Variants in DLGAP2 observed in about 807,000 individuals in gnomAD.
DLGAP2 encodes DLG associated protein 2.
In DLGAP2, 26 loss-of-function variants were observed where a neutral mutation model predicts 100.3. That is an observed-to-expected ratio of 0.26 (90% CI 0.19 to 0.36). The LOEUF (loss-of-function observed/expected upper bound fraction) is 0.36, where lower values mean the gene tolerates loss of function less well. Ranked by LOEUF, DLGAP2 falls within the 10% of genes least tolerant of loss-of-function variation. DLGAP2 has a pLI of 1.00. For missense variants in DLGAP2, 1,858 were observed against 1,453.2 expected (o/e 1.28, Z -4.53); for synonymous variants, 886 against 630.1 (o/e 1.41, Z -6.08).
In DLGAP2 at chr8:1,444,652, C is replaced by T. The variant is rs138065644; in HGVS notation, c.107-56714C>T. 2.4e-3 allele frequency among the ~76,000 whole-genome samples: 362 copies of T among 152,210 alleles called. 2 individuals carry two copies. Among genetic ancestry groups the T allele is most frequent in the African/African-American group, 8.0e-3 (331 of 41,540 alleles). ...CTTCAGGGTCTTCTTTCCCCATTTC[C>T]AGGTTGATGGTCCCATGATTTTGAC... On this transcript the variant is annotated intron_variant, in intron 3 of 14. Coordinates refer to ENST00000637795, the MANE Select transcript of DLGAP2 (RefSeq NM_001346810.2).
At chr8:860,578 T>C (rs1049538816) in intron 1 of DLGAP2, among the ~76,000 whole-genome samples, 1 of 152,224 alleles carries the variant, frequency 6.6e-6, no homozygotes, top group Non-Finnish European at 1.5e-5. Flanking sequence ...ACTCAGTGGT[T>C]ACTGTGGGGA....
intron 8 of DLGAP2, among the ~76,000 whole-genome samples, chr8:1,665,590 C>G (rs1370665728): frequency 6.6e-6 from 1 of 152,204 alleles, no homozygotes; most frequent in African/African-American, 2.4e-5. Context: ...TCTCTGTTGC[C>G]TTTGATTTTT....
At chr8:1,233,724 G>C (rs1427069966) in intron 2 of DLGAP2, among the ~76,000 whole-genome samples, 1 of 152,118 alleles carries the variant, frequency 6.6e-6, no homozygotes, top group African/African-American at 2.4e-5. Flanking sequence ...TTGACTTTCT[G>C]GGAAACACGC....
chr8:866,639 G>A (rs900221561), intron 1 of DLGAP2, among the ~76,000 whole-genome samples: 16 of 152,178 alleles, frequency 1.1e-4, no homozygotes, highest in African/African-American at 2.9e-4. Context: ...ATCGGGAAGC[G>A]CTTGCTGCCA....
At chr8:847,619 A>G (rs1041225944) in intron 1 of DLGAP2, among the ~76,000 whole-genome samples, 1 of 151,802 alleles carries the variant, frequency 6.6e-6, no homozygotes, top group African/African-American at 2.4e-5. Context: ...CAGTTCTCCC[A>G]CCTCAGCCTC....
At chr8:955,652 A>G (rs932135413) in intron 2 of DLGAP2, among the ~76,000 whole-genome samples, 1 of 152,012 alleles carries the variant, frequency 6.6e-6, no homozygotes, top group Admixed American at 6.6e-5. Flanking sequence ...TTTCCCCAAA[A>G]CTTCAAGGCT....
chr8:1,592,832 C>A (rs1796331926), intron 6 of DLGAP2, among the ~76,000 whole-genome samples: 1 of 152,144 alleles, frequency 6.6e-6, no homozygotes, highest in Non-Finnish European at 1.5e-5. Flanking sequence ...GTGAGCATCA[C>A]CGACTGACCA....
At chr8:1,636,504 T>A (rs191568872) in intron 8 of DLGAP2, among the ~76,000 whole-genome samples, 2 of 152,338 alleles carry the variant, frequency 1.3e-5, no homozygotes, top group Admixed American at 1.3e-4. Flanking sequence ...AATAACTGTT[T>A]TTCAATACTA....
chr8:825,699 A>T (rs1462586804), intron 1 of DLGAP2, among the ~76,000 whole-genome samples: 1 of 152,184 alleles, frequency 6.6e-6, no homozygotes, highest in Admixed American at 6.5e-5. Context: ...TTTTTTAAAA[A>T]TTTTTAATTA....
intron 4 of DLGAP2, among the ~76,000 whole-genome samples, chr8:1,506,165 C>T (rs952306677): frequency 1.6e-4 from 25 of 152,194 alleles, no homozygotes; most frequent in African/African-American, 6.0e-4. Context: ...GCACCAATGT[C>T]TCATTCTAAT....
At chr8:1,283,635 T>C (rs1799866066) in intron 3 of DLGAP2, among the ~76,000 whole-genome samples, 1 of 152,222 alleles carries the variant, frequency 6.6e-6, no homozygotes. Context: ...AGAATTTTCA[T>C]TGAATATTCA....
rs568263265 is a variant in DLGAP2, at chr8:852,065, G to T, written c.19-55847G>T. On this transcript the variant is annotated intron_variant, in intron 1 of 14. Transcript: ENST00000637795. ...GGACAACAAAGGCATGCAGCCTCCT[G>T]CCAGCTGTGAGAATTGGCTTTGGTG... Among the ~76,000 whole-genome samples the T allele has an allele frequency of 8.9e-4, 135 of 152,338 alleles. 2 individuals are homozygous for T. Among genetic ancestry groups the T allele is most frequent in the African/African-American group, 3.2e-3 (134 of 41,576 alleles).
intron 14 of DLGAP2, among the ~76,000 whole-genome samples, chr8:1,700,820 G>C (rs951415743): frequency 6.6e-6 from 1 of 152,218 alleles, no homozygotes; most frequent in African/African-American, 2.4e-5. Flanking sequence ...AAACCCTCGC[G>C]ATGCTCGGAG....
intron 3 of DLGAP2, among the ~76,000 whole-genome samples, chr8:1,321,959 G>A (rs927962277): frequency 3.9e-5 from 6 of 152,114 alleles, no homozygotes; most frequent in Non-Finnish European, 8.8e-5. Flanking sequence ...TTATGTTGTG[G>A]TTTAAAATCT....
intron 3 of DLGAP2, among the ~76,000 whole-genome samples, chr8:1,439,755 C>G (rs1347857092): frequency 1.3e-5 from 2 of 152,112 alleles, no homozygotes; most frequent in African/African-American, 4.8e-5. Flanking sequence ...TGCCCACCCT[C>G]TCCCCACCAT....
At chr8:1,149,110 C>G (rs997384273) in intron 2 of DLGAP2, among the ~76,000 whole-genome samples, 2 of 151,924 alleles carry the variant, frequency 1.3e-5, no homozygotes, top group African/African-American at 4.8e-5. Flanking sequence ...TCATACCTTC[C>G]TGAAAAATTC....
intron 2 of DLGAP2, among the ~76,000 whole-genome samples, chr8:1,221,785 T>C (rs978720360): frequency 5.9e-5 from 9 of 152,242 alleles, no homozygotes; most frequent in Non-Finnish European, 1.5e-5. Context: ...TCAGAGGTTT[T>C]CTTCATTTTT....
chr8:1,184,792 C>A (rs557576764), intron 2 of DLGAP2, among the ~76,000 whole-genome samples: 103 of 152,282 alleles, frequency 6.8e-4, no homozygotes, highest in African/African-American at 2.2e-3. Flanking sequence ...GTGAATCTGG[C>A]CCTCTCCAGG....
intron 1 of DLGAP2, among the ~76,000 whole-genome samples, chr8:796,172 A>G (rs1433861440): frequency 3.4e-5 from 5 of 148,590 alleles, no homozygotes; most frequent in African/African-American, 4.9e-5. Context: ...TCCAGTGAGA[A>G]CAGGTGTCCA....
Sources: gnomAD v4.1 joint callset for allele counts (sites outside exome capture counted in the v4.1 genomes callset) on GRCh38, gnomAD v4.1.1 for gene constraint, MANE v1.5 for transcripts, NCBI Gene and HGNC (gene_info 2026-07-23, HGNC 2026-07-21) for gene names.